Variants in CRB1 observed in about 807,000 individuals in gnomAD.
CRB1 encodes protein crumbs homolog 1.
Under a neutral mutation model 120.0 loss-of-function variants are expected in CRB1, and 83 were observed. The ratio of observed to expected loss-of-function variants is 0.69; its 90% confidence interval spans 0.58 to 0.83. CRB1 has a LOEUF of 0.83. Ranked by LOEUF, CRB1 falls within the 40% of genes least tolerant of loss-of-function variation. The probability of loss-of-function intolerance (pLI) is 0.00; values close to 1 mark genes in which losing one functional copy is unlikely to be tolerated. For missense variants in CRB1, 1,699 were observed against 1,687.6 expected (o/e 1.01, Z -0.12); for synonymous variants, 625 against 612.5 (o/e 1.02, Z -0.30).
intron 7 of CRB1, chr1:197,429,119 C>G: frequency 6.5e-7 from 1 of 1,531,018 alleles, no homozygotes; most frequent in Non-Finnish European, 8.7e-7. Flanking sequence ...GTAAGAATCC[C>G]TTCCTCAAAT....
At chr1:197,276,639 C>T (rs998261853) in intron 1 of CRB1, among the ~76,000 whole-genome samples, 3 of 151,852 alleles carry the variant, frequency 2.0e-5, no homozygotes, top group Admixed American at 1.3e-4. Flanking sequence ...GAGGATATCA[C>T]AGTGAATAAT....
At chr1:197,356,465 G>C (rs905090315) in intron 4 of CRB1, among the ~76,000 whole-genome samples, 6 of 152,136 alleles carry the variant, frequency 3.9e-5, no homozygotes, top group Non-Finnish European at 8.8e-5. Context: ...GTGGATATTT[G>C]CTGACTTTTC....
chr1:197,286,254 T>G (rs1249499889), intron 1 of CRB1, among the ~76,000 whole-genome samples: 1 of 151,918 alleles, frequency 6.6e-6, no homozygotes, highest in Non-Finnish European at 1.5e-5. Flanking sequence ...CCAATAGCAA[T>G]CGTAACAACC....
chr1:197,288,130 C>T (rs758412633), intron 1 of CRB1, among the ~76,000 whole-genome samples: 1 of 151,800 alleles, frequency 6.6e-6, no homozygotes, highest in Admixed American at 6.6e-5. Flanking sequence ...TGCACAGAGA[C>T]AGACCAGAGA....
chr1:197,303,662 A>T (rs916552215), intron 1 of CRB1, among the ~76,000 whole-genome samples: 2 of 152,178 alleles, frequency 1.3e-5, no homozygotes, highest in African/African-American at 4.8e-5. Context: ...GATTGATGAT[A>T]GAATCAAAAC....
At chr1:197,323,962 G>A (rs1296529288) in intron 1 of CRB1, among the ~76,000 whole-genome samples, 8 of 152,102 alleles carry the variant, frequency 5.3e-5, no homozygotes, top group Non-Finnish European at 1.5e-5. Flanking sequence ...ATATATAAAA[G>A]CAAATAGCAA....
chr1:197,438,863 A>G, intron 10 of CRB1, 188 bp downstream of exon 10: 1 of 577,608 alleles, frequency 1.7e-6, no homozygotes, highest in South Asian at 2.1e-5. Flanking sequence ...AGGGGAGAAC[A>G]TTTTATTAGA....
intron 2 of CRB1, among the ~76,000 whole-genome samples, chr1:197,331,598 G>T (rs1452231567): frequency 6.6e-6 from 1 of 152,054 alleles, no homozygotes; most frequent in East Asian, 1.9e-4. Flanking sequence ...TGGCTTGGAA[G>T]TGCTTTGTTT....
the CRB1 span, among the ~76,000 whole-genome samples, chr1:197,234,865 A>T: frequency 1.3e-5 from 2 of 152,256 alleles, no homozygotes; most frequent in African/African-American, 4.8e-5. Context: ...ATTAGGCCAG[A>T]TAATTACATT....
chr1:197,318,830 T>C (rs533741823), intron 1 of CRB1, among the ~76,000 whole-genome samples: 2 of 152,116 alleles, frequency 1.3e-5, no homozygotes, highest in East Asian at 3.9e-4. Context: ...TGCCACAAGA[T>C]AGGGAGGTTA....
intron 11 of CRB1, among the ~76,000 whole-genome samples, chr1:197,450,957 CAAAAA>C (rs11288525): frequency 3.9e-4 from 22 of 56,626 alleles, no homozygotes; most frequent in African/African-American, 1.6e-3. Flanking sequence ...GACTCCGTCC[CAAAAA>C]AAAAAAAAAA....
intron 11 of CRB1, among the ~76,000 whole-genome samples, chr1:197,461,016 G>T (rs1378359139): frequency 2.6e-5 from 4 of 152,052 alleles, no homozygotes; most frequent in Non-Finnish European, 5.9e-5. Context: ...TTTACCATTA[G>T]GTCCTGTGAA....
At chr1:197,387,102 CA>C (rs2125408618) in intron 5 of CRB1, among the ~76,000 whole-genome samples, 1 of 152,066 alleles carries the variant, frequency 6.6e-6, no homozygotes, top group African/African-American at 2.4e-5. Context: ...TTCTTGTTCC[CA>C]ACATAATCTT....
At chr1:197,309,753 A>AAAATAAATAAATAAAT (rs57529093) in intron 1 of CRB1, among the ~76,000 whole-genome samples, 83 of 141,566 alleles carry the variant, frequency 5.9e-4, no homozygotes, top group Middle Eastern at 7.2e-3. Flanking sequence ...ACTACATCTC[A>AAAATAAATAAATAAAT]AAATAAATAA....
intron 5 of CRB1, among the ~76,000 whole-genome samples, chr1:197,411,355 C>G (rs1368978901): frequency 6.6e-6 from 1 of 152,066 alleles, no homozygotes; most frequent in Non-Finnish European, 1.5e-5. Flanking sequence ...TGAGGTAATA[C>G]AGAATAAAGT....
intron 5 of CRB1, among the ~76,000 whole-genome samples, chr1:197,358,436 T>A (rs922844097): frequency 2.0e-5 from 3 of 152,194 alleles, no homozygotes; most frequent in African/African-American, 7.2e-5. Flanking sequence ...TCTGCAGATC[T>A]AAAAGGAGAG....
intron 5 of CRB1, among the ~76,000 whole-genome samples, chr1:197,402,649 C>T (rs537821380): frequency 6.6e-6 from 1 of 152,128 alleles, no homozygotes; most frequent in Non-Finnish European, 1.5e-5. Flanking sequence ...GGTCTAATTT[C>T]TGTTCTCTAG....
At chr1:197,392,821 A>G (rs770168884) in intron 5 of CRB1, among the ~76,000 whole-genome samples, 1 of 152,102 alleles carries the variant, frequency 6.6e-6, no homozygotes, top group Non-Finnish European at 1.5e-5. Context: ...CAAAGGAATT[A>G]AGTATTATTT....
intron 1 of CRB1, among the ~76,000 whole-genome samples, chr1:197,315,406 A>C (rs1476074603): frequency 6.6e-6 from 1 of 152,212 alleles, no homozygotes; most frequent in Non-Finnish European, 1.5e-5. Context: ...TGCTATGTCA[A>C]CACAGATCAG....
Sources: gnomAD v4.1 joint callset for allele counts (sites outside exome capture counted in the v4.1 genomes callset) on GRCh38, gnomAD v4.1.1 for gene constraint, MANE v1.5 for transcripts, NCBI Gene and HGNC (gene_info 2026-07-23, HGNC 2026-07-21) for gene names.